The following NEK4 variants were observed in gnomAD, a reference collection of about 807,000 sequenced individuals.
The protein encoded by NEK4 is NIMA related kinase 4.
Under a neutral mutation model 98.4 loss-of-function variants are expected in NEK4, and 86 were observed. The ratio of observed to expected loss-of-function variants is 0.87; its 90% CI spans 0.73 to 1.05. The LOEUF (loss-of-function observed/expected upper bound fraction) is 1.05, where lower values mean the gene tolerates loss of function less well. NEK4 is among the 50% of genes least tolerant of loss of function. The pLI is 0.00. For missense variants in NEK4, 898 were observed against 950.3 expected, an observed-to-expected ratio of 0.94 and a Z score of 0.72; for synonymous variants, 328 against 342.2, an observed-to-expected ratio of 0.96 and a Z score of 0.46.
At chr3:52,713,532 C>A (rs552341397) in intron 15 of NEK4, among the ~76,000 whole-genome samples, 1 of 152,234 alleles carries the variant, frequency 6.6e-6, no homozygotes, top group African/African-American at 2.4e-5. Context: ...TAGTAGCTCA[C>A]GCCTGTAATC....
chr3:52,743,179 A>G, intron 12 of NEK4, 173 bp downstream of exon 12: 1 of 579,944 alleles, frequency 1.7e-6, no homozygotes. Flanking sequence ...TTAATGGGTC[A>G]ATCATAATCC....
intron 15 of NEK4, among the ~76,000 whole-genome samples, chr3:52,731,915 A>G (rs1034547501): frequency 1.3e-5 from 2 of 152,208 alleles, no homozygotes; most frequent in Admixed American, 6.5e-5. Flanking sequence ...GGTTCTCATG[A>G]TAGTGAGTAA....
chr3:52,758,178 CAAAAAAAAAAAAA>C (rs35117059), intron 6 of NEK4, among the ~76,000 whole-genome samples: 3 of 62,780 alleles, frequency 4.8e-5, no homozygotes, highest in South Asian at 7.1e-4. Context: ...GACACCATCT[CAAAAAAAAAAAAA>C]AAAAAAAAAA....
At chr3:52,726,566 TC>T (rs2097364762) in intron 15 of NEK4, among the ~76,000 whole-genome samples, 1 of 135,954 alleles carries the variant, frequency 7.4e-6, no homozygotes, top group African/African-American at 2.8e-5. Flanking sequence ...ACCACTGCAC[TC>T]CAGCCTGGGC....
At chr3:52,712,058 A>G (rs1293570064) in intron 15 of NEK4, among the ~76,000 whole-genome samples, 189 bp from the exon 16 acceptor site, 2 of 152,254 alleles carry the variant, frequency 1.3e-5, no homozygotes, top group African/African-American at 4.8e-5. Flanking sequence ...ATTAAAGAGC[A>G]AACAAACAAT....
At chr3:52,737,446 G>C in intron 15 of NEK4, 140 bp downstream of exon 15, 1 of 821,240 alleles carries the variant, frequency 1.2e-6, no homozygotes, top group Middle Eastern at 2.4e-4. Flanking sequence ...GGTAATGACT[G>C]TACAATGTTG....
chr3:52,770,722 G>C lies in NEK4; in HGVS notation c.25C>G (p.Leu9Val), dbSNP rs965468861. 1.9e-6 allele frequency: 3 copies of C among 1,575,094 alleles called. No individual in the cohort carries two copies. The highest frequency in any genetic ancestry group is 2.6e-6 in the Non-Finnish European group (3 of 1,161,410). Reference sequence around the variant, plus strand: ...TAGCTCCCCTTGCCCACGACCCGCAGGTAGCAGTAGGCGGCCAGGGGCATG... The same window carrying C: ...TAGCTCCCCTTGCCCACGACCCGCACGTAGCAGTAGGCGGCCAGGGGCATG... MPLAAYCY[L>V]RVVGKGSYGE... The change falls in exon 1 of 16, where the codon CTG (leucine) becomes GTG (valine). Residue 9 changes from leucine to valine, a missense_variant. Coordinates refer to ENST00000233027, the MANE Select transcript of NEK4 (RefSeq NM_003157.6).
chr3:52,756,502 G>C (rs1003066847), intron 6 of NEK4, among the ~76,000 whole-genome samples: 4 of 152,134 alleles, frequency 2.6e-5, no homozygotes, highest in Admixed American at 6.6e-5. Context: ...ATTTAATGAG[G>C]AAAGGACAGT....
intron 15 of NEK4, among the ~76,000 whole-genome samples, chr3:52,714,370 C>T (rs961559271): frequency 2.0e-5 from 3 of 152,268 alleles, no homozygotes; most frequent in African/African-American, 7.2e-5. Flanking sequence ...CCGCTACCAT[C>T]GCGCTGGCAG....
At chr3:52,768,645 G>T in intron 1 of NEK4, 41 bp from the exon 2 acceptor site, 2 of 1,595,772 alleles carry the variant, frequency 1.3e-6, no homozygotes, top group Non-Finnish European at 1.7e-6. Flanking sequence ...GCAAATAAAC[G>T]TAAGATTTGT....
chr3:52,723,445 T>C (rs929369437), intron 15 of NEK4, among the ~76,000 whole-genome samples: 4 of 152,026 alleles, frequency 2.6e-5, no homozygotes, highest in Non-Finnish European at 4.4e-5. Flanking sequence ...GGTTTTACCA[T>C]GTTGGTCAGG....
At chr3:52,766,950 C>A (rs1698587564) in intron 2 of NEK4, among the ~76,000 whole-genome samples, 1 of 151,178 alleles carries the variant, frequency 6.6e-6, no homozygotes, top group Non-Finnish European at 1.5e-5. Context: ...TGCGCCACTG[C>A]AGTCCGTAGT....
chr3:52,748,290 G>A (rs2097399812), intron 8 of NEK4, among the ~76,000 whole-genome samples: 1 of 152,082 alleles, frequency 6.6e-6, no homozygotes, highest in Non-Finnish European at 1.5e-5. Context: ...AAATTAAAAA[G>A]AAAATGAGAA....
Position 52,739,725 on chromosome 3 carries a change from A to C in NEK4, c.2094-91T>G, listed in dbSNP as rs933591878. 3 of 1,057,552 alleles carry C rather than the reference A, an allele frequency of 2.8e-6. No homozygotes were observed. In the African/African-American group the frequency reaches 4.7e-5, roughly 17 times the overall value. 65.5% of individuals were successfully genotyped at this position (1,057,552 alleles called of 1,614,324 possible). A position where few individuals can be genotyped will look rare whatever the true frequency, so the allele number is the denominator to read the frequency against. On this transcript the variant is annotated intron_variant, in intron 13 of 15. Coordinates refer to ENST00000233027, the MANE Select transcript of NEK4 (RefSeq NM_003157.6). The stretch of plus-strand genomic sequence containing the variant: ...CGTGCAAAACGACCTTTCGGGAATT[A>C]TCCTTTGAAATGTCCAAGTAAGTTC...
Position 52,710,884 on chromosome 3 carries a change from G to C in NEK4, c.*893C>G, listed in dbSNP as rs1367389067. On this transcript the variant is annotated 3_prime_UTR_variant, in exon 16 of 16. Coordinates refer to ENST00000233027, the MANE Select transcript of NEK4 (RefSeq NM_003157.6). ...CTTCATAAAATTTCTTTCCTAGATGGGTATTACCTCTTATTAAACAACTAA... is the reference window on the plus strand; with the variant it reads ...CTTCATAAAATTTCTTTCCTAGATGCGTATTACCTCTTATTAAACAACTAA... 6.6e-6 allele frequency: 1 copy of C among 152,210 alleles called. No homozygotes were observed. Among genetic ancestry groups the C allele is most frequent in the Non-Finnish European group, 1.5e-5 (1 of 68,012 alleles). 9.4% of individuals were successfully genotyped at this position (152,210 alleles called of 1,614,324 possible). A position where few individuals can be genotyped will look rare whatever the true frequency, so the allele number is the denominator to read the frequency against.
At chr3:52,730,678 CTT>C (rs1323220145) in intron 15 of NEK4, among the ~76,000 whole-genome samples, 1 of 152,202 alleles carries the variant, frequency 6.6e-6, no homozygotes, top group African/African-American at 2.4e-5. Context: ...AGTATCCCCT[CTT>C]AAAGTATTCT....
chr3:52,727,809 G>T (rs746436575), intron 15 of NEK4, among the ~76,000 whole-genome samples: 3 of 152,086 alleles, frequency 2.0e-5, no homozygotes, highest in Non-Finnish European at 4.4e-5. Flanking sequence ...GATCAAAGAA[G>T]AAATCAAAAG....
intron 6 of NEK4, among the ~76,000 whole-genome samples, chr3:52,759,620 A>G (rs1466003611): frequency 2.0e-5 from 3 of 152,218 alleles, no homozygotes; most frequent in Non-Finnish European, 4.4e-5. Flanking sequence ...ACTCTTGTGC[A>G]CTGCTGATGG....
Position 52,768,494 on chromosome 3 carries a change from G to C in NEK4, c.204C>G (p.Tyr68Ter). 1 of 1,614,182 alleles carries C rather than the reference G, an allele frequency of 6.2e-7. No homozygotes were observed. Among genetic ancestry groups the C allele is most frequent in the South Asian group, 1.1e-5 (1 of 91,078 alleles). ...CATCTCCTCCTTCCCATGACTCCTTGTAGGTGACAATGTTGGGATGCTTCA... is the reference window on the plus strand; with the variant it reads ...CATCTCCTCCTTCCCATGACTCCTTCTAGGTGACAATGTTGGGATGCTTCA... ...SQLKHPNIVT[Y>*]KESWEGGDGL... Residue 68 changes from tyrosine (Y) to a stop codon, truncating the protein, a stop_gained, in exon 2 of 16, where the codon TAC (tyrosine) becomes TAG (stop). Transcript: ENST00000233027. LOFTEE classifies it high-confidence loss of function.
Sources: allele counts gnomAD v4.1 joint callset (sites outside exome capture counted in the v4.1 genomes callset), GRCh38; gene constraint gnomAD v4.1.1; transcripts MANE v1.5; gene names NCBI Gene and HGNC (gene_info 2026-07-23, HGNC 2026-07-21).